Variants in VSIG1 observed in about 807,000 individuals in gnomAD.
The protein encoded by VSIG1 is V-set and immunoglobulin domain-containing protein 1.
In VSIG1, 11 loss-of-function variants were observed where a neutral mutation model predicts 20.1. That is an observed-to-expected ratio of 0.55 (90% confidence interval 0.34 to 0.91). The LOEUF is 0.91. Ranked by LOEUF, VSIG1 falls within the 40% of genes least tolerant of loss-of-function variation. The pLI, the probability that VSIG1 is intolerant of heterozygous loss-of-function variation, is 0.02. For synonymous variants in VSIG1, 126 were observed against 116.7 expected (o/e 1.08, Z -0.52); for missense variants, 283 against 298.8 (o/e 0.95, Z 0.39).
At chrX:108,074,599 G>C (rs746372956) in intron 5 of VSIG1, among the ~76,000 whole-genome samples, 2 of 112,240 alleles carry the variant, frequency 1.8e-5, no homozygotes, top group East Asian at 5.6e-4. Context: ...AGTTCAGCTA[G>C]AGGGACAAAC....
chrX:108,067,667 A>T (rs1010521363), intron 3 of VSIG1, among the ~76,000 whole-genome samples: 1 of 112,479 alleles, frequency 8.9e-6, no homozygotes, highest in Non-Finnish European at 1.9e-5. Context: ...TTTACATACA[A>T]ATATTCATTA....
chrX:108,069,359 T>G (rs990275444), intron 3 of VSIG1, among the ~76,000 whole-genome samples: 1 of 111,822 alleles, frequency 8.9e-6, no homozygotes, highest in Non-Finnish European at 1.9e-5. Flanking sequence ...CTCTAAAAAA[T>G]ATTGTTTTTG....
chrX:108,048,159 A>T (rs1393623484), intron 1 of VSIG1, among the ~76,000 whole-genome samples: 1 of 104,598 alleles, frequency 9.6e-6, no homozygotes, highest in Non-Finnish European at 1.9e-5. Context: ...ATGCACCACC[A>T]CGCCCGGCTA....
the VSIG1 span, among the ~76,000 whole-genome samples, chrX:108,032,085 C>T: frequency 2.7e-5 from 3 of 111,771 alleles, no homozygotes; most frequent in Admixed American, 2.9e-4. Flanking sequence ...TGACTAACAT[C>T]TTCTGTTATT....
At chrX:108,061,372 G>A (rs1731846821) in intron 2 of VSIG1, 1 of 932,358 alleles carries the variant, frequency 1.1e-6, no homozygotes, top group Admixed American at 2.7e-5. Context: ...GGTTGATGTG[G>A]CAGTATACTG....
intron 1 of VSIG1, among the ~76,000 whole-genome samples, chrX:108,051,472 A>G (rs1385193709): frequency 3.6e-5 from 4 of 112,529 alleles, no homozygotes; most frequent in African/African-American, 1.3e-4. Context: ...TGTTAGAACA[A>G]CAGACCACAA....
the VSIG1 span, among the ~76,000 whole-genome samples, chrX:108,021,762 T>C: frequency 8.9e-6 from 1 of 112,325 alleles, no homozygotes; most frequent in African/African-American, 3.2e-5. Context: ...AAAATTATGC[T>C]TTTTGCATGT....
At chrX:108,073,498 C>G in intron 5 of VSIG1, 129 bp downstream of exon 5, 2 of 765,113 alleles carry the variant, frequency 2.6e-6, no homozygotes, top group South Asian at 2.7e-5. Flanking sequence ...GCTTTATATA[C>G]AGGCTGATAT....
At chrX:108,051,387 G>C (rs991182127) in intron 1 of VSIG1, among the ~76,000 whole-genome samples, 2 of 111,744 alleles carry the variant, frequency 1.8e-5, no homozygotes, top group Admixed American at 9.5e-5. Flanking sequence ...CAGGCGATAT[G>C]ATCTGGGACA....
chrX:108,041,490 G>A (rs2030479241), upstream of VSIG1, among the ~76,000 whole-genome samples: 1 of 110,721 alleles, frequency 9.0e-6, no homozygotes, highest in Non-Finnish European at 1.9e-5. Flanking sequence ...CCTTTTTTAA[G>A]GGAGAAAAGC....
chrX:108,068,778 TGGGAACTA>T (rs2031183200), intron 3 of VSIG1, among the ~76,000 whole-genome samples: 1 of 111,781 alleles, frequency 8.9e-6, no homozygotes, highest in Non-Finnish European at 1.9e-5. Flanking sequence ...GTTATATACA[TGGGAACTA>T]AGTGATGTGC....
intron 4 of VSIG1, 114 bp from the exon 5 acceptor site, chrX:108,073,136 C>T (rs1473639187): frequency 4.3e-6 from 4 of 929,337 alleles, no homozygotes; most frequent in Non-Finnish European, 6.0e-6. Flanking sequence ...TCCTGAACAT[C>T]TCAAGAAAGA....
rs1172282311 is a variant in VSIG1 at position 108,047,961 on chromosome X, CATATATATATATATATATATATATAT to C, written c.49+2798_49+2823del. Among the ~76,000 whole-genome samples the C allele has an allele frequency of 4.5e-4, 9 of 19,940 alleles. No individual in the cohort carries two copies. The South Asian group carries it at 0.017, about 37-fold the overall frequency. 17.3% of individuals were successfully genotyped at this position (19,940 alleles called of 115,157 possible). ...ACATATATATATATATATACACACACATATATATATATATATATATATATATATATATATATATATACACATATATA... is the reference window on the plus strand; with the variant it reads ...ACATATATATATATATATACACACACATATATATATATATACACATATATA... On this transcript the variant is annotated intron_variant, in intron 1 of 6. Coordinates refer to ENST00000217957, the MANE Select transcript of VSIG1 (RefSeq NM_182607.5).
the VSIG1 span, among the ~76,000 whole-genome samples, chrX:108,024,544 C>G: frequency 9.2e-6 from 1 of 109,006 alleles, no homozygotes; most frequent in Non-Finnish European, 1.9e-5. Context: ...ATTAGGTTAT[C>G]AATTACAGAT....
intron 2 of VSIG1, among the ~76,000 whole-genome samples, chrX:108,062,755 T>C (rs2031053098): frequency 8.9e-6 from 1 of 111,749 alleles, no homozygotes; most frequent in Non-Finnish European, 1.9e-5. Flanking sequence ...TGCCACCTTA[T>C]ACCTGCACAC....
upstream of VSIG1, among the ~76,000 whole-genome samples, chrX:108,040,819 G>T (rs996908990): frequency 1.8e-4 from 20 of 111,003 alleles, no homozygotes; most frequent in Admixed American, 3.8e-4. Context: ...GCAAATTATA[G>T]AACAAAATGT....
chrX:108,047,831 C>CATATAT (rs1315556430), intron 1 of VSIG1, among the ~76,000 whole-genome samples: 5 of 32,558 alleles, frequency 1.5e-4, no homozygotes, highest in African/African-American at 7.7e-4. Context: ...CATATATATA[C>CATATAT]ACATATATAT....
intron 1 of VSIG1, 110 bp from the exon 2 acceptor site, chrX:108,057,928 C>T (rs1336533807): frequency 5.3e-6 from 4 of 761,708 alleles, no homozygotes; most frequent in Non-Finnish European, 3.7e-6. Flanking sequence ...TACCTTCTTC[C>T]CCTCACCTTG....
Position 108,078,621 on chromosome X carries a change from A to G in VSIG1, c.*1240A>G, listed in dbSNP as rs777788371. ...AAAAACAAAAACAGAAAACAAACAA[A>G]CAAAAAACAAAAAATCCCCACAACT... On this transcript the variant is annotated 3_prime_UTR_variant, in exon 7 of 7. Transcript: ENST00000217957. The G allele has an allele frequency of 1.8e-5, 2 of 111,943 alleles. No homozygotes were observed. Among genetic ancestry groups the G allele is most frequent in the Non-Finnish European group, 3.8e-5 (2 of 53,170 alleles). The allele number at this position is 111,943 out of a possible 1,213,427, so 9.2% of individuals were successfully genotyped here. A position where few individuals can be genotyped will look rare whatever the true frequency, so the allele number is the denominator to read the frequency against.
Sources: gnomAD v4.1 joint callset for allele counts (sites outside exome capture counted in the v4.1 genomes callset) on GRCh38, gnomAD v4.1.1 for gene constraint, MANE v1.5 for transcripts, NCBI Gene and HGNC (gene_info 2026-07-23, HGNC 2026-07-21) for gene names.